GPC6: variants seen among roughly 807,000 people sequenced by gnomAD.
The protein encoded by GPC6 is glypican 6.
Under a neutral mutation model 55.2 loss-of-function variants are expected in GPC6, and 14 were observed. That is an observed-to-expected ratio of 0.25 (90% CI 0.17 to 0.40). The LOEUF is 0.40. Ranked by LOEUF, GPC6 falls within the 10% of genes least tolerant of loss-of-function variation. The pLI is 1.00. For synonymous variants in GPC6, 278 were observed against 259.6 expected (o/e 1.07, Z -0.68); for missense variants, 641 against 708.5 (o/e 0.90, Z 1.08).
At chr13:94,155,880 G>A (rs568544918) in intron 4 of GPC6, among the ~76,000 whole-genome samples, 1 of 152,228 alleles carries the variant, frequency 6.6e-6, no homozygotes, top group South Asian at 2.1e-4. Context: ...AGGAACAAGA[G>A]GGGTAGAGAG....
intron 3 of GPC6, among the ~76,000 whole-genome samples, chr13:93,919,188 A>G (rs1877442512): frequency 6.6e-6 from 1 of 152,188 alleles, no homozygotes; most frequent in Non-Finnish European, 1.5e-5. Context: ...GAAGCTAAGC[A>G]CATGTTGGTG....
intron 1 of GPC6, among the ~76,000 whole-genome samples, chr13:93,230,771 C>T (rs1875978009): frequency 6.6e-6 from 1 of 152,058 alleles, no homozygotes; most frequent in Non-Finnish European, 1.5e-5. Context: ...TTCCAATCCT[C>T]CTCATGTTGG....
intron 4 of GPC6, among the ~76,000 whole-genome samples, chr13:94,053,542 A>G (rs1422058952): frequency 6.6e-6 from 1 of 152,186 alleles, no homozygotes; most frequent in Non-Finnish European, 1.5e-5. Context: ...GCAGTGAACC[A>G]TGGTAGTTCC....
At chr13:94,085,006 G>A (rs190922662) in intron 4 of GPC6, among the ~76,000 whole-genome samples, 108 of 152,026 alleles carry the variant, frequency 7.1e-4, no homozygotes, top group Admixed American at 7.0e-3. Flanking sequence ...TTTATCTAGT[G>A]AGCAATGGTA....
At chr13:94,110,266 G>T (rs928459792) in intron 4 of GPC6, among the ~76,000 whole-genome samples, 4 of 151,960 alleles carry the variant, frequency 2.6e-5, no homozygotes, top group South Asian at 2.1e-4. Flanking sequence ...AGTGGAAGAT[G>T]AGATCAAGAA....
At chr13:94,189,558 TTC>T (rs1245532852) in intron 4 of GPC6, among the ~76,000 whole-genome samples, 1 of 152,250 alleles carries the variant, frequency 6.6e-6, no homozygotes, top group Non-Finnish European at 1.5e-5. Context: ...AGGTGATAGA[TTC>T]TGAACATAGG....
intron 2 of GPC6, among the ~76,000 whole-genome samples, chr13:93,706,813 TGAGGA>T: frequency 6.6e-6 from 1 of 152,052 alleles, no homozygotes; most frequent in East Asian, 1.9e-4. Context: ...CTCTTGCTCT[TGAGGA>T]GCTTACAGTC....
intron 2 of GPC6, among the ~76,000 whole-genome samples, chr13:93,727,388 A>G (rs185096640): frequency 2.2e-4 from 33 of 152,190 alleles, no homozygotes; most frequent in South Asian, 8.3e-4. Flanking sequence ...CAATCTATCC[A>G]CATTTCATCA....
chr13:93,744,318 G>A (rs1156660393), intron 2 of GPC6, among the ~76,000 whole-genome samples: 1 of 151,882 alleles, frequency 6.6e-6, no homozygotes, highest in Non-Finnish European at 1.5e-5. Context: ...GATGAAGCTC[G>A]TCTCTACCCA....
At chr13:93,887,214 T>G (rs1875393006) in intron 3 of GPC6, among the ~76,000 whole-genome samples, 1 of 152,076 alleles carries the variant, frequency 6.6e-6, no homozygotes, top group South Asian at 2.1e-4. Flanking sequence ...ATATTTTTAT[T>G]TTTAACATAG....
At chr13:94,276,295 T>C (rs1393381646) in intron 4 of GPC6, among the ~76,000 whole-genome samples, 1 of 152,054 alleles carries the variant, frequency 6.6e-6, no homozygotes, top group Non-Finnish European at 1.5e-5. Flanking sequence ...TTTAGAAAAA[T>C]GTGTCTGACA....
chr13:93,438,403 C>T (rs564224316), intron 1 of GPC6, among the ~76,000 whole-genome samples: 15 of 152,220 alleles, frequency 9.9e-5, no homozygotes, highest in South Asian at 8.3e-4. Flanking sequence ...TTCTAGGTTC[C>T]GTTAAGAACA....
chr13:93,537,977 A>G (rs999478580), intron 1 of GPC6, among the ~76,000 whole-genome samples: 3 of 152,196 alleles, frequency 2.0e-5, no homozygotes, highest in Non-Finnish European at 4.4e-5. Context: ...AAAATTTTCA[A>G]AAATGAACAG....
chr13:93,389,531 G>A lies in GPC6; in HGVS notation c.161-155732G>A, dbSNP rs11839757. 5.1e-3 allele frequency among the ~76,000 whole-genome samples: 769 copies of A among 149,444 alleles called. 7 individuals are homozygous for A. Among genetic ancestry groups the A allele is most frequent in the African/African-American group, 0.017 (717 of 41,024 alleles). Reference sequence around the variant, plus strand: ...AAAAAAAAAAAAAATTATATATACTGTGTATAATGAATATATGTAAATGGT... The same window carrying A: ...AAAAAAAAAAAAAATTATATATACTATGTATAATGAATATATGTAAATGGT... On this transcript the variant is annotated intron_variant, in intron 1 of 8. Coordinates refer to ENST00000377047, the MANE Select transcript of GPC6 (RefSeq NM_005708.5).
rs541354623 is a variant in GPC6 at position 93,666,651 on chromosome 13, G to A, written c.319+121230G>A. Among the ~76,000 whole-genome samples the A allele has an allele frequency of 1.5e-3, 221 of 152,144 alleles. 1 individual carries two copies. Among genetic ancestry groups the A allele is most frequent in the African/African-American group, 5.1e-3 (211 of 41,504 alleles). Reference sequence around the variant, plus strand: ...TATATTTTGATTCATTTAAAAACACGGTGTCTTTTATTCTTTTAATGTGTC... The same window carrying A: ...TATATTTTGATTCATTTAAAAACACAGTGTCTTTTATTCTTTTAATGTGTC... On this transcript the variant is annotated intron_variant, in intron 2 of 8. Coordinates refer to ENST00000377047, the MANE Select transcript of GPC6 (RefSeq NM_005708.5).
chr13:93,320,648 T>C lies in GPC6; in HGVS notation c.160+93032T>C, dbSNP rs540378152. Among the ~76,000 whole-genome samples, 143 of 151,814 alleles carry C rather than the reference T, an allele frequency of 9.4e-4. 1 individual carries two copies. The highest frequency in any genetic ancestry group is 3.4e-3 in the Middle Eastern group (1 of 290). The stretch of plus-strand genomic sequence containing the variant: ...AGTGTATATATTATATATATATATA[T>C]ACACACACACTCTATTATGATATTC... On this transcript the variant is annotated intron_variant, in intron 1 of 8. Transcript: ENST00000377047.
At chr13:94,293,749 G>A (rs1875146953) in intron 5 of GPC6, among the ~76,000 whole-genome samples, 1 of 152,152 alleles carries the variant, frequency 6.6e-6, no homozygotes, top group African/African-American at 2.4e-5. Flanking sequence ...CTGAGGTCGT[G>A]TAACAAACAA....
rs551479314 is a variant in GPC6, at chr13:94,140,241, AG to A, written c.877+112350del. On this transcript the variant is annotated intron_variant, in intron 4 of 8. Transcript: ENST00000377047. ...TACATAACATAAGATGTAGTACCGC[AG>A]GGACTGGAAGTTCCTCTGTGTTCAT... is the stretch of plus-strand genomic sequence containing the variant. Among the ~76,000 whole-genome samples the A allele has an allele frequency of 1.1e-3, 166 of 152,282 alleles. 2 individuals are homozygous for A. Among genetic ancestry groups the A allele is most frequent in the African/African-American group, 3.3e-3 (136 of 41,566 alleles).
intron 4 of GPC6, among the ~76,000 whole-genome samples, chr13:94,155,987 A>C (rs1005577117): frequency 6.6e-6 from 1 of 152,158 alleles, no homozygotes; most frequent in Non-Finnish European, 1.5e-5. Flanking sequence ...TCGAAGGATG[A>C]GGAAAGAAGC....
Sources: gnomAD v4.1 joint callset for allele counts (sites outside exome capture counted in the v4.1 genomes callset) on GRCh38, gnomAD v4.1.1 for gene constraint, MANE v1.5 for transcripts, NCBI Gene and HGNC (gene_info 2026-07-23, HGNC 2026-07-21) for gene names.